Variants in TP63 observed in about 807,000 individuals in gnomAD.
TP63 encodes tumor protein 63.
TP63 carries 17 observed loss-of-function variants against 82.8 expected under a neutral mutation model. The observed-to-expected ratio is 0.21, with a 90% CI of 0.14 to 0.31. The LOEUF (loss-of-function observed/expected upper bound fraction) is 0.31. Ranked by LOEUF, TP63 falls within the 10% of genes least tolerant of loss-of-function variation. The probability of loss-of-function intolerance (pLI) is 1.00; values close to 1 mark genes in which losing one functional copy is unlikely to be tolerated. For synonymous variants in TP63, 330 were observed against 321.7 expected, an observed-to-expected ratio of 1.03 and a Z score of -0.28; for missense variants, 648 against 895.3, an observed-to-expected ratio of 0.72 and a Z score of 3.52.
At chr3:189,859,587 C>G (rs796928571) in intron 4 of TP63, among the ~76,000 whole-genome samples, 4 of 152,208 alleles carry the variant, frequency 2.6e-5, no homozygotes, top group African/African-American at 9.6e-5. Context: ...ATGAAGTCCT[C>G]ATATATTGCA....
chr3:189,890,946 C>T (rs970958132), intron 13 of TP63, 64 bp downstream of exon 13: 10 of 1,497,190 alleles, frequency 6.7e-6, no homozygotes, highest in Non-Finnish European at 8.3e-6. Flanking sequence ...ATGACAACCG[C>T]CTTGTAGTTC....
At chr3:189,644,785 T>C (rs1308592465) in intron 1 of TP63, among the ~76,000 whole-genome samples, 3 of 152,196 alleles carry the variant, frequency 2.0e-5, no homozygotes, top group Non-Finnish European at 4.4e-5. Flanking sequence ...CCATATTTGA[T>C]TTTCCATTCC....
Position 189,649,789 on chromosome 3 carries a change from A to C in TP63, c.62+18212A>C, listed in dbSNP as rs1338206459. On this transcript the variant is annotated intron_variant, in intron 1 of 13. Transcript: ENST00000264731. ...TGGTAGAGAAAGAGCATTCCAGACA[A>C]GGAGTGTAAGATCAGAGTGGCTGGA... Among the ~76,000 whole-genome samples, 2 of 147,030 alleles carry C rather than the reference A, an allele frequency of 1.4e-5. 1 individual carries two copies. The highest frequency in any genetic ancestry group is 3.0e-5 in the Non-Finnish European group (2 of 67,312).
At chr3:189,716,660 A>C (rs1427715279) in intron 1 of TP63, among the ~76,000 whole-genome samples, 1 of 152,206 alleles carries the variant, frequency 6.6e-6, no homozygotes, top group Non-Finnish European at 1.5e-5. Flanking sequence ...TTTTTAAAGG[A>C]ACCAAAATAA....
At chr3:189,647,166 G>A (rs1427413323) in intron 1 of TP63, among the ~76,000 whole-genome samples, 1 of 146,658 alleles carries the variant, frequency 6.8e-6, no homozygotes, top group Non-Finnish European at 1.5e-5. Flanking sequence ...CCAGCTCACA[G>A]GTGGTTAGTT....
rs914136128 is a variant in TP63, at chr3:189,743,354, A to C, written c.324+4580A>C. On this transcript the variant is annotated intron_variant, in intron 3 of 13. Transcript: ENST00000264731. ...GAAACAGGCAATCTTTTCATTTCTTATGAGAGTAGAAATCGAAATAATACA... is the reference window on the plus strand; with the variant it reads ...GAAACAGGCAATCTTTTCATTTCTTCTGAGAGTAGAAATCGAAATAATACA... Among the ~76,000 whole-genome samples the C allele has an allele frequency of 1.3e-4, 20 of 152,186 alleles. 1 individual carries two copies. The highest frequency in any genetic ancestry group is 1.3e-3 in the Admixed American group (20 of 15,282).
intron 4 of TP63, among the ~76,000 whole-genome samples, chr3:189,814,469 A>G (rs1727945242): frequency 6.6e-6 from 1 of 152,196 alleles, no homozygotes; most frequent in African/African-American, 2.4e-5. Flanking sequence ...GTTTATCATA[A>G]CAAGATAATT....
chr3:189,701,609 A>T (rs1717814538), intron 1 of TP63, among the ~76,000 whole-genome samples: 1 of 150,288 alleles, frequency 6.7e-6, no homozygotes, highest in African/African-American at 2.4e-5. Context: ...ATGTGGGAGG[A>T]ATACAAAAGA....
chr3:189,721,266 C>G (rs919493496), intron 1 of TP63, among the ~76,000 whole-genome samples: 3 of 152,076 alleles, frequency 2.0e-5, no homozygotes, highest in African/African-American at 7.2e-5. Context: ...ACTTGTGTAA[C>G]AGAGAGAGGA....
At chr3:189,656,474 A>C in intron 1 of TP63, among the ~76,000 whole-genome samples, 1 of 152,286 alleles carries the variant, frequency 6.6e-6, no homozygotes, top group East Asian at 1.9e-4. Context: ...AATGAATAAA[A>C]AGAGTTTCAA....
chr3:189,846,409 G>T (rs549416711), intron 4 of TP63, among the ~76,000 whole-genome samples: 1 of 152,220 alleles, frequency 6.6e-6, no homozygotes, highest in East Asian at 1.9e-4. Flanking sequence ...TAGTTCATGT[G>T]GATGGCCAAA....
At chr3:189,695,385 G>T (rs1184880749) in intron 1 of TP63, among the ~76,000 whole-genome samples, 2 of 151,902 alleles carry the variant, frequency 1.3e-5, no homozygotes, top group Non-Finnish European at 2.9e-5. Context: ...TCTTTAATTT[G>T]TGGTGCTACA....
At chr3:189,689,375 C>A (rs1716733370) in intron 1 of TP63, among the ~76,000 whole-genome samples, 1 of 151,894 alleles carries the variant, frequency 6.6e-6, no homozygotes, top group Non-Finnish European at 1.5e-5. Flanking sequence ...CTTGGCCTCC[C>A]AAAGTGCTAG....
intron 4 of TP63, among the ~76,000 whole-genome samples, chr3:189,826,092 T>G (rs1729321652): frequency 6.6e-6 from 1 of 152,210 alleles, no homozygotes; most frequent in Non-Finnish European, 1.5e-5. Context: ...GTTTTATGGT[T>G]CTTTTTAGCT....
rs1368958098 is a variant in TP63, at chr3:189,896,094, A to AT, written c.*1599dup. Reference sequence around the variant, plus strand: ...TCCAGATCTTTCAGAAATATAACACATTTTTTTGCATGCATGCAAATGAGC... The same window carrying AT: ...TCCAGATCTTTCAGAAATATAACACATTTTTTTTGCATGCATGCAAATGAGC... On this transcript the variant is annotated 3_prime_UTR_variant, in exon 14 of 14. Coordinates refer to ENST00000264731, the MANE Select transcript of TP63 (RefSeq NM_003722.5). 8.5e-5 allele frequency: 19 copies of AT among 223,064 alleles called. No homozygotes were observed. Among genetic ancestry groups the AT allele is most frequent in the Admixed American group, 7.5e-4 (13 of 17,404 alleles). 13.8% of individuals were successfully genotyped at this position (223,064 alleles called of 1,614,324 possible). A position where few individuals can be genotyped will look rare whatever the true frequency, so the allele number is the denominator to read the frequency against.
At chr3:189,892,066 T>C (rs1721080223) in intron 13 of TP63, among the ~76,000 whole-genome samples, 1 of 152,122 alleles carries the variant, frequency 6.6e-6, no homozygotes, top group African/African-American at 2.4e-5. Flanking sequence ...AAGCAAAAAC[T>C]GCAGGGAAAG....
chr3:189,663,654 A>G (rs1714129932), intron 1 of TP63, among the ~76,000 whole-genome samples: 1 of 148,704 alleles, frequency 6.7e-6, no homozygotes, highest in Non-Finnish European at 1.5e-5. Flanking sequence ...CAGCCTCCTG[A>G]GTAACTGGGA....
At chr3:189,718,942 A>G (rs1719165500) in intron 1 of TP63, among the ~76,000 whole-genome samples, 1 of 152,212 alleles carries the variant, frequency 6.6e-6, no homozygotes, top group African/African-American at 2.4e-5. Context: ...AATATAAAGA[A>G]TATGTGAAGA....
chr3:189,638,229 G>A (rs955745302), intron 1 of TP63, among the ~76,000 whole-genome samples: 1 of 152,128 alleles, frequency 6.6e-6, no homozygotes, highest in Admixed American at 6.6e-5. Context: ...TGTAGATATG[G>A]ACACTAGAAA....
Sources: gnomAD v4.1 joint callset for allele counts (sites outside exome capture counted in the v4.1 genomes callset) on GRCh38, gnomAD v4.1.1 for gene constraint, MANE v1.5 for transcripts, NCBI Gene and HGNC (gene_info 2026-07-23, HGNC 2026-07-21) for gene names.